HIVEP3: variants seen among roughly 807,000 people sequenced by gnomAD.
HIVEP3 encodes transcription factor HIVEP3.
In HIVEP3, 49 loss-of-function variants were observed where a neutral mutation model predicts 152.8. The ratio of observed to expected loss-of-function variants is 0.32; its 90% CI spans 0.26 to 0.41. The LOEUF (loss-of-function observed/expected upper bound fraction) is 0.41, where lower values mean the gene tolerates loss of function less well. Ranked by LOEUF, HIVEP3 falls within the 10% of genes least tolerant of loss-of-function variation. The pLI is 1.00. For missense variants in HIVEP3, 2,790 were observed against 3,103.3 expected (o/e 0.90, Z 2.40); for synonymous variants, 1,269 against 1,289.0 (o/e 0.98, Z 0.33).
In HIVEP3 at chr1:41,582,123, G is replaced by T; in HGVS notation, c.2675C>A (p.Thr892Lys). 6.2e-7 allele frequency: 1 copy of T among 1,614,172 alleles called. No homozygotes were observed. Among genetic ancestry groups the T allele is most frequent in the Non-Finnish European group, 8.5e-7 (1 of 1,180,022 alleles). ...EEFQWPQRSQ[T>K]LAQLPAEKLP... is the part of the protein sequence containing the mutation. ...CTTCTCAGCTGGGAGCTGGGCAAGTGTCTGGCTGCGCTGGGGCCATTGGAA... is the reference window on the plus strand; with the variant it reads ...CTTCTCAGCTGGGAGCTGGGCAAGTTTCTGGCTGCGCTGGGGCCATTGGAA... The change falls in exon 4 of 9, where the codon ACA (threonine) becomes AAA (lysine). Residue 892 changes from threonine (T) to lysine (K), a missense_variant. This residue lies in a region of HIVEP3 where 1,078 missense variants were observed against 1,165.3 expected (regional missense o/e 0.93). Coordinates refer to ENST00000372583, the MANE Select transcript of HIVEP3 (RefSeq NM_024503.5). The surrounding 1 kb of genome is among the most constrained non-coding windows in gnomAD (Gnocchi z 4.7).
At chr1:41,524,445 C>T (rs778071025) in intron 6 of HIVEP3, among the ~76,000 whole-genome samples, 1 of 152,102 alleles carries the variant, frequency 6.6e-6, no homozygotes, top group East Asian at 1.9e-4. Flanking sequence ...AAACCATGAA[C>T]GGTGAGCAAG....
At chr1:41,977,408 C>G (rs543748369) in intron 1 of HIVEP3, among the ~76,000 whole-genome samples, 2 of 152,146 alleles carry the variant, frequency 1.3e-5, no homozygotes, top group South Asian at 2.1e-4. Context: ...CACGCTCCCC[C>G]ACTCCCCAGC....
intron 5 of HIVEP3, among the ~76,000 whole-genome samples, chr1:41,571,366 C>G (rs1644249414): frequency 6.6e-6 from 1 of 152,190 alleles, no homozygotes; most frequent in South Asian, 2.1e-4. Flanking sequence ...CACTGCTTAA[C>G]AAAAAGCCAT....
At chr1:41,585,491 T>C (rs2759260) in intron 3 of HIVEP3, among the ~76,000 whole-genome samples, 173 bp from the exon 4 acceptor site, 139,660 of 152,094 alleles carry the variant, frequency 0.92, 64,864 homozygotes, top group Middle Eastern at 0.99. Flanking sequence ...GCTCCACATG[T>C]CCAAGCCCTG....
At chr1:41,892,420 C>T (rs1169212933) in intron 1 of HIVEP3, among the ~76,000 whole-genome samples, 1 of 152,178 alleles carries the variant, frequency 6.6e-6, no homozygotes, top group Non-Finnish European at 1.5e-5. Flanking sequence ...GCTCTGCTCA[C>T]ATCTCACATA....
chr1:41,961,636 T>C (rs1462563525), intron 1 of HIVEP3, among the ~76,000 whole-genome samples: 2 of 152,198 alleles, frequency 1.3e-5, no homozygotes, highest in African/African-American at 4.8e-5. Flanking sequence ...AAATGACAAA[T>C]AAATGCTCAT....
At chr1:41,958,581 GC>G (rs1247109541) in intron 1 of HIVEP3, among the ~76,000 whole-genome samples, 2 of 152,162 alleles carry the variant, frequency 1.3e-5, no homozygotes, top group African/African-American at 4.8e-5. Context: ...AGATGACCAG[GC>G]CCACCCCCAC....
At chr1:41,796,904 T>C (rs956960063) in intron 1 of HIVEP3, among the ~76,000 whole-genome samples, 1 of 152,174 alleles carries the variant, frequency 6.6e-6, no homozygotes, top group Non-Finnish European at 1.5e-5. Flanking sequence ...ATAAAGTAGG[T>C]GTTCAACAGG....
chr1:41,750,957 A>G (rs1271921513), intron 1 of HIVEP3, among the ~76,000 whole-genome samples: 1 of 152,084 alleles, frequency 6.6e-6, no homozygotes, highest in Non-Finnish European at 1.5e-5. Context: ...CAAGTGATCC[A>G]TCCATCTCGG....
chr1:41,969,310 T>C (rs966267501), intron 1 of HIVEP3, among the ~76,000 whole-genome samples: 2 of 152,108 alleles, frequency 1.3e-5, no homozygotes, highest in Admixed American at 6.5e-5. Context: ...GTTCAAACTA[T>C]ACTACAAGGC....
In HIVEP3 at chr1:41,509,214, C is replaced by T. The variant is rs1254553901; in HGVS notation, c.*1237G>A. 6.6e-6 allele frequency: 1 copy of T among 152,154 alleles called. No homozygotes were observed. Among genetic ancestry groups the T allele is most frequent in the Non-Finnish European group, 1.5e-5 (1 of 68,044 alleles). The allele number at this position is 152,154 out of a possible 1,614,324, so 9.4% of individuals were successfully genotyped here. A position where few individuals can be genotyped will look rare whatever the true frequency, so the allele number is the denominator to read the frequency against. The stretch of plus-strand genomic sequence containing the variant: ...GCTGGGTGAAGTATCAAACACCATC[C>T]TCTCTCTTTTTAAAAAAGAGGTGTA... On this transcript the variant is annotated 3_prime_UTR_variant, in exon 9 of 9. Transcript: ENST00000372583.
chr1:41,676,115 C>T (rs1468288975), intron 2 of HIVEP3, among the ~76,000 whole-genome samples: 1 of 151,820 alleles, frequency 6.6e-6, no homozygotes, highest in African/African-American at 2.4e-5. Context: ...GCAGTGGCAC[C>T]ATCTCGGCTC....
intron 1 of HIVEP3, among the ~76,000 whole-genome samples, chr1:41,953,340 C>A (rs1645121130): frequency 6.6e-6 from 1 of 152,122 alleles, no homozygotes; most frequent in Non-Finnish European, 1.5e-5. Flanking sequence ...AGCTGTGTGA[C>A]CTTGGGCCAA....
At chr1:41,518,859 G>C (rs560056672) in intron 6 of HIVEP3, among the ~76,000 whole-genome samples, 1 of 143,394 alleles carries the variant, frequency 7.0e-6, no homozygotes, top group South Asian at 2.2e-4. Context: ...TCTGGCCCTA[G>C]TAGCTGGTGA....
intron 1 of HIVEP3, among the ~76,000 whole-genome samples, chr1:41,813,213 T>C (rs1207487213): frequency 1.3e-5 from 2 of 152,044 alleles, no homozygotes; most frequent in African/African-American, 2.4e-5. Flanking sequence ...CTGGGTTCCA[T>C]GGCCAGTAAG....
chr1:41,888,128 T>C (rs1240425919), intron 1 of HIVEP3, among the ~76,000 whole-genome samples: 1 of 150,004 alleles, frequency 6.7e-6, no homozygotes, highest in African/African-American at 2.5e-5. Flanking sequence ...CTCCGCCTCC[T>C]GGGTTCACGC....
chr1:42,026,646 A>G (rs1056413299), intron 1 of HIVEP3, among the ~76,000 whole-genome samples: 1 of 152,122 alleles, frequency 6.6e-6, no homozygotes, highest in African/African-American at 2.4e-5. Flanking sequence ...ACTCTTTCAG[A>G]TGAGCTGTTT....
In HIVEP3 at chr1:41,635,956, G is replaced by A. The variant is rs557079629; in HGVS notation, c.-720-7009C>T. The stretch of plus-strand genomic sequence containing the variant: ...AGAAACTATAGAAGAGAAGGCTGTC[G>A]AAGATGGAATTCCAGATTAGCAGAG... On this transcript the variant is annotated intron_variant, in intron 2 of 8. Coordinates refer to ENST00000372583, the MANE Select transcript of HIVEP3 (RefSeq NM_024503.5). Among the ~76,000 whole-genome samples, 337 of 152,238 alleles carry A rather than the reference G, an allele frequency of 2.2e-3. 1 individual carries two copies. The highest frequency in any genetic ancestry group is 3.9e-3 in the South Asian group (19 of 4,822).
At chr1:41,905,092 G>C (rs1323643292) in intron 1 of HIVEP3, among the ~76,000 whole-genome samples, 1 of 152,240 alleles carries the variant, frequency 6.6e-6, no homozygotes, top group East Asian at 1.9e-4. Flanking sequence ...GGATTTAAGA[G>C]TGTAGGTGGG....
Sources: allele counts gnomAD v4.1 joint callset (sites outside exome capture counted in the v4.1 genomes callset), GRCh38; gene constraint gnomAD v4.1.1; regional missense constraint gnomAD v4.1.1; non-coding constraint Gnocchi (gnomAD v3.1); transcripts MANE v1.5; gene names NCBI Gene and HGNC (gene_info 2026-07-23, HGNC 2026-07-21).